ARID2: variants seen among roughly 807,000 people sequenced by gnomAD.
ARID2 encodes the protein AT-rich interactive domain-containing protein 2.
ARID2 carries 32 observed loss-of-function variants against 184.6 expected under a neutral mutation model. The ratio of observed to expected loss-of-function variants is 0.17; its 90% CI spans 0.13 to 0.23. The LOEUF (loss-of-function observed/expected upper bound fraction) is 0.23. Ranked by LOEUF, ARID2 falls within the 10% of genes least tolerant of loss-of-function variation. ARID2 has a pLI of 1.00. For synonymous variants in ARID2, 836 were observed against 772.6 expected (o/e 1.08, Z -1.36); for missense variants, 1,696 against 2,197.6 (o/e 0.77, Z 4.56).
intron 16 of ARID2, among the ~76,000 whole-genome samples, chr12:45,878,524 G>A (rs1381758920): frequency 2.6e-5 from 4 of 151,964 alleles, no homozygotes; most frequent in Non-Finnish European, 4.4e-5. Flanking sequence ...CTGTTGATGA[G>A]TCTATGAAAG....
At position 45,852,053 on chromosome 12, in the gene ARID2, G is replaced by C. The variant is rs1264397733; in HGVS notation, c.3930G>C (p.Gly1310=). 1 of 1,614,108 alleles carries C rather than the reference G, an allele frequency of 6.2e-7. No homozygotes were observed. Among genetic ancestry groups the C allele is most frequent in the Admixed American group, 1.7e-5 (1 of 60,016 alleles). Residue 1310 remains glycine, a synonymous_variant, in exon 15 of 21, where the codon GGG becomes GGC. Transcript: ENST00000334344. Reference sequence around the variant, plus strand: ...CAAGTCTACCTCCTTCAAACTCAGGGAAAATTCAAAGTGAGACTAATCAGT... The same window carrying C: ...CAAGTCTACCTCCTTCAAACTCAGGCAAAATTCAAAGTGAGACTAATCAGT... The part of the protein sequence containing the change: ...SDSSLPPSNS[G]KIQSETNQCS...
chr12:45,791,577 A>G (rs1416785800), intron 3 of ARID2, among the ~76,000 whole-genome samples: 1 of 152,064 alleles, frequency 6.6e-6, no homozygotes, highest in Admixed American at 6.6e-5. Context: ...TTGGAAAAGT[A>G]TATGTAAGAT....
At chr12:45,845,857 T>G (rs1222751210) in intron 11 of ARID2, 1 of 152,188 alleles carries the variant, frequency 6.6e-6, no homozygotes, top group South Asian at 2.1e-4. Context: ...CCGTGTCACA[T>G]AGCAAGTTTT....
intron 3 of ARID2, among the ~76,000 whole-genome samples, chr12:45,802,923 A>C (rs768117205): frequency 2.0e-5 from 3 of 152,116 alleles, no homozygotes; most frequent in Non-Finnish European, 4.4e-5. Context: ...TCACATGTCT[A>C]ATCTTACCCC....
At chr12:45,749,960 T>C (rs546822062) in intron 3 of ARID2, among the ~76,000 whole-genome samples, 1 of 152,356 alleles carries the variant, frequency 6.6e-6, no homozygotes, top group Non-Finnish European at 1.5e-5. Flanking sequence ...TAAGGGTGTT[T>C]CACTTTATCA....
intron 3 of ARID2, among the ~76,000 whole-genome samples, chr12:45,769,415 A>G (rs1941828005): frequency 6.6e-6 from 1 of 152,242 alleles, no homozygotes; most frequent in Non-Finnish European, 1.5e-5. Context: ...AGAGTTCACT[A>G]GAGGGACTGA....
At chr12:45,733,823 C>T (rs375037023) in intron 3 of ARID2, among the ~76,000 whole-genome samples, 19 of 152,110 alleles carry the variant, frequency 1.2e-4, no homozygotes, top group African/African-American at 4.6e-4. Context: ...AATGGTCTGC[C>T]AGACATTAAC....
At position 45,817,567 on chromosome 12, in the gene ARID2, ATATTATATATATATATT is replaced by A. The variant is rs1221263926; in HGVS notation, c.419-100_419-84del. ...TATATATTTATATTATATTTTATAT[ATATTATATATATATATT>A]TAAAGCTGTGTTCTGTATTCAAGGG... On this transcript the variant is annotated intron_variant, in intron 4 of 20. Coordinates refer to ENST00000334344, the MANE Select transcript of ARID2 (RefSeq NM_152641.4). The A allele has an allele frequency of 1.8e-4, 45 of 256,048 alleles. No homozygotes were observed. The East Asian group carries it at 3.5e-3, about 20-fold the overall frequency. The allele number at this position is 256,048 out of a possible 1,614,324, so 15.9% of individuals were successfully genotyped here. A position where few individuals can be genotyped will look rare whatever the true frequency, so the allele number is the denominator to read the frequency against.
At chr12:45,759,815 G>A (rs548212809) in intron 3 of ARID2, among the ~76,000 whole-genome samples, 1 of 152,246 alleles carries the variant, frequency 6.6e-6, no homozygotes, top group Admixed American at 6.5e-5. Context: ...TCCCATCTCA[G>A]CCTAGTAGCT....
At chr12:45,886,992 C>T (rs1471098019) in intron 16 of ARID2, among the ~76,000 whole-genome samples, 1 of 152,192 alleles carries the variant, frequency 6.6e-6, no homozygotes, top group Non-Finnish European at 1.5e-5. Context: ...CTCCTTGTTA[C>T]TTATACAAAT....
In ARID2 at chr12:45,850,138, A is replaced by G. The variant is rs760722365; in HGVS notation, c.2015A>G (p.Gln672Arg). ...LTATQMSFPV[Q>R]GVHTVAQTVS... ...GCAACACAAATGTCTTTTCCTGTAC[A>G]AGGTGTTCATACTGTGGCACAAACT... Residue 672 changes from glutamine (Q) to arginine (R), a missense_variant, in exon 15 of 21, where the codon CAA (glutamine) becomes CGA (arginine). By Grantham distance (43) the Gln-to-Arg change is conservative (BLOSUM62 1). Coordinates refer to ENST00000334344, the MANE Select transcript of ARID2 (RefSeq NM_152641.4). 6.2e-7 allele frequency: 1 copy of G among 1,614,112 alleles called. No homozygotes were observed. The highest frequency in any genetic ancestry group is 1.1e-5 in the South Asian group (1 of 91,078).
chr12:45,895,638 G>A (rs1944359589), intron 20 of ARID2, among the ~76,000 whole-genome samples: 1 of 152,312 alleles, frequency 6.6e-6, no homozygotes, highest in South Asian at 2.1e-4. Flanking sequence ...GGGTTTGAGC[G>A]ATTCTCCTGC....
chr12:45,838,719 A>T (rs1943267601), intron 10 of ARID2, among the ~76,000 whole-genome samples: 1 of 152,014 alleles, frequency 6.6e-6, no homozygotes, highest in South Asian at 2.1e-4. Flanking sequence ...GTGAGCTGTG[A>T]TCGTGCCAGC....
chr12:45,771,367 A>AG (rs1941873003), intron 3 of ARID2, among the ~76,000 whole-genome samples: 4 of 151,710 alleles, frequency 2.6e-5, no homozygotes, highest in African/African-American at 9.7e-5. Flanking sequence ...AAAAAAAAAA[A>AG]AAAAAAGCAA....
intron 3 of ARID2, among the ~76,000 whole-genome samples, chr12:45,761,554 C>A (rs1263190343): frequency 6.6e-6 from 1 of 152,092 alleles, no homozygotes; most frequent in Non-Finnish European, 1.5e-5. Context: ...TTATTGTCCT[C>A]TTCCTGTCCT....
At chr12:45,748,809 C>G (rs138015351) in intron 3 of ARID2, among the ~76,000 whole-genome samples, 1 of 152,138 alleles carries the variant, frequency 6.6e-6, no homozygotes, top group East Asian at 1.9e-4. Flanking sequence ...ATTTTCTTTG[C>G]TCATCCCTGA....
chr12:45,791,204 CTGTGTGTG>C (rs143314237), intron 3 of ARID2, among the ~76,000 whole-genome samples: 6 of 147,630 alleles, frequency 4.1e-5, no homozygotes, highest in South Asian at 2.2e-4. Flanking sequence ...AGCACATTTT[CTGTGTGTG>C]TGTGTGTGTG....
At chr12:45,780,557 T>G (rs1942069274) in intron 3 of ARID2, among the ~76,000 whole-genome samples, 1 of 152,126 alleles carries the variant, frequency 6.6e-6, no homozygotes, top group South Asian at 2.1e-4. Flanking sequence ...AGGAATTGCT[T>G]TTTTGGTAAC....
intron 11 of ARID2, among the ~76,000 whole-genome samples, chr12:45,844,280 A>G (rs940083828): frequency 6.6e-6 from 1 of 152,082 alleles, no homozygotes; most frequent in African/African-American, 2.4e-5. Flanking sequence ...CGGCCTCCCA[A>G]AGTGCTGGAA....
Sources: gnomAD v4.1 joint callset for allele counts (sites outside exome capture counted in the v4.1 genomes callset) on GRCh38, gnomAD v4.1.1 for gene constraint, MANE v1.5 for transcripts, NCBI Gene and HGNC (gene_info 2026-07-23, HGNC 2026-07-21) for gene names.